Variants in GPC6 observed in about 807,000 individuals in gnomAD.
The protein encoded by GPC6 is glypican 6.
Under a neutral mutation model 55.2 loss-of-function variants are expected in GPC6, and 14 were observed. The ratio of observed to expected loss-of-function variants is 0.25; its 90% CI spans 0.17 to 0.40. GPC6 has a LOEUF of 0.40. Among genes scored for constraint, GPC6 ranks in the 10% least tolerant of loss-of-function variants. The probability of loss-of-function intolerance (pLI) is 1.00; values close to 1 mark genes in which losing one functional copy is unlikely to be tolerated. For synonymous variants in GPC6, 278 were observed against 259.6 expected (o/e 1.07, Z -0.68); for missense variants, 641 against 708.5 (o/e 0.90, Z 1.08).
chr13:94,235,191 G>A (rs2139018324), intron 4 of GPC6, among the ~76,000 whole-genome samples: 1 of 152,184 alleles, frequency 6.6e-6, no homozygotes, highest in South Asian at 2.1e-4. Context: ...TGTTGAACTG[G>A]AGATCAAAGA....
intron 1 of GPC6, among the ~76,000 whole-genome samples, chr13:93,259,263 T>C (rs1313932518): frequency 3.9e-5 from 6 of 152,196 alleles, no homozygotes; most frequent in African/African-American, 1.4e-4. Context: ...GATTAAGCCA[T>C]GCTTCCTCAT....
intron 4 of GPC6, among the ~76,000 whole-genome samples, chr13:94,134,454 G>A (rs1279679632): frequency 6.6e-6 from 1 of 152,168 alleles, no homozygotes; most frequent in Non-Finnish European, 1.5e-5. Context: ...CCAGAAGAAT[G>A]TGTCCCCCTC....
chr13:94,251,910 T>C (rs1200914909), intron 4 of GPC6, among the ~76,000 whole-genome samples: 3 of 152,134 alleles, frequency 2.0e-5, no homozygotes, highest in Non-Finnish European at 4.4e-5. Flanking sequence ...CGACTATGCC[T>C]GTAGCTAGGT....
intron 1 of GPC6, among the ~76,000 whole-genome samples, chr13:93,290,181 C>G (rs1189635274): frequency 6.6e-6 from 1 of 152,120 alleles, no homozygotes; most frequent in African/African-American, 2.4e-5. Context: ...CATCTAGATG[C>G]TTGCCCCAAT....
At chr13:94,197,108 G>A (rs1032296916) in intron 4 of GPC6, among the ~76,000 whole-genome samples, 1 of 151,978 alleles carries the variant, frequency 6.6e-6, no homozygotes, top group Non-Finnish European at 1.5e-5. Flanking sequence ...AAATTACTAA[G>A]GCTGCTAGGA....
intron 2 of GPC6, among the ~76,000 whole-genome samples, chr13:93,678,042 T>A (rs1293530075): frequency 6.6e-6 from 1 of 152,210 alleles, no homozygotes; most frequent in Non-Finnish European, 1.5e-5. Flanking sequence ...ATTCTCATAC[T>A]GCCTTCTGCC....
At chr13:93,670,720 T>C (rs1566478481) in intron 2 of GPC6, among the ~76,000 whole-genome samples, 1 of 152,216 alleles carries the variant, frequency 6.6e-6, no homozygotes, top group Non-Finnish European at 1.5e-5. Flanking sequence ...AAGACTGCTC[T>C]CACTCAGTAA....
chr13:94,393,059 C>G (rs75739440), intron 7 of GPC6, among the ~76,000 whole-genome samples: 8,911 of 152,234 alleles, frequency 0.059, 377 homozygotes, highest in Non-Finnish European at 0.094. Context: ...TAAATTATAG[C>G]CATCCTAATA....
At chr13:94,218,387 G>A (rs527548467) in intron 4 of GPC6, among the ~76,000 whole-genome samples, 15 of 152,276 alleles carry the variant, frequency 9.9e-5, no homozygotes, top group African/African-American at 3.4e-4. Flanking sequence ...GCAACTGCTT[G>A]AGGCTGAATC....
intron 2 of GPC6, among the ~76,000 whole-genome samples, chr13:93,821,633 G>T (rs1887049361): frequency 6.6e-6 from 1 of 152,094 alleles, no homozygotes; most frequent in Non-Finnish European, 1.5e-5. Context: ...TCCTTTATTA[G>T]AACTCCATTT....
At chr13:94,384,323 C>T (rs1880306078) in intron 7 of GPC6, among the ~76,000 whole-genome samples, 1 of 152,240 alleles carries the variant, frequency 6.6e-6, no homozygotes, top group Admixed American at 6.5e-5. Flanking sequence ...GAATTAACAG[C>T]TTCTAGTGTG....
At chr13:94,023,609 C>T (rs1036838338) in intron 3 of GPC6, among the ~76,000 whole-genome samples, 1 of 151,990 alleles carries the variant, frequency 6.6e-6, no homozygotes, top group African/African-American at 2.4e-5. Context: ...TGTGATCCAG[C>T]AATTGCACCC....
intron 1 of GPC6, among the ~76,000 whole-genome samples, chr13:93,256,438 A>G (rs1483348554): frequency 1.3e-5 from 2 of 151,964 alleles, no homozygotes; most frequent in Non-Finnish European, 2.9e-5. Flanking sequence ...ATCACTTTTT[A>G]ACTTGTTATT....
At chr13:93,944,832 G>T (rs1405650507) in intron 3 of GPC6, among the ~76,000 whole-genome samples, 2 of 152,142 alleles carry the variant, frequency 1.3e-5, no homozygotes, top group African/African-American at 2.4e-5. Context: ...TGCAGAAAGG[G>T]TTTGTGTTGG....
At chr13:93,281,633 G>A (rs1296792450) in intron 1 of GPC6, among the ~76,000 whole-genome samples, 1 of 152,110 alleles carries the variant, frequency 6.6e-6, no homozygotes, top group African/African-American at 2.4e-5. Context: ...GACCAACCTG[G>A]TGAAACCCTG....
intron 6 of GPC6, among the ~76,000 whole-genome samples, chr13:94,360,716 C>A (rs562386719): frequency 1.1e-4 from 16 of 152,238 alleles, no homozygotes; most frequent in African/African-American, 3.4e-4. Flanking sequence ...CCTCCTCCCC[C>A]CAAATATATT....
chr13:93,826,971 A>G (rs2138975088), intron 2 of GPC6, among the ~76,000 whole-genome samples: 1 of 152,272 alleles, frequency 6.6e-6, no homozygotes, highest in African/African-American at 2.4e-5. Flanking sequence ...TCCCCTCTAG[A>G]TGAATAAAAT....
intron 1 of GPC6, among the ~76,000 whole-genome samples, chr13:93,234,121 T>G (rs929632118): frequency 2.0e-5 from 3 of 152,170 alleles, no homozygotes; most frequent in Non-Finnish European, 2.9e-5. Flanking sequence ...CTGCAGCCCT[T>G]AGCAGCTCTC....
chr13:93,397,391 C>T (rs2139226867), intron 1 of GPC6, among the ~76,000 whole-genome samples: 1 of 152,214 alleles, frequency 6.6e-6, no homozygotes, highest in East Asian at 1.9e-4. Context: ...ATTTAGATTT[C>T]CCTAATGATT....
Sources: gnomAD v4.1 joint callset for allele counts (sites outside exome capture counted in the v4.1 genomes callset) on GRCh38, gnomAD v4.1.1 for gene constraint, MANE v1.5 for transcripts, NCBI Gene and HGNC (gene_info 2026-07-23, HGNC 2026-07-21) for gene names.